The following DNAH17 variants were observed in gnomAD, a reference collection of about 807,000 sequenced individuals.
DNAH17 encodes the protein dynein axonemal heavy chain 17, also known as axonemal beta dynein heavy chain 17.
In DNAH17, 376 loss-of-function variants were observed where a neutral mutation model predicts 485.6. The ratio of observed to expected loss-of-function variants is 0.77; its 90% CI spans 0.71 to 0.84. DNAH17 has a LOEUF of 0.84. Ranked by LOEUF, DNAH17 falls within the 40% of genes least tolerant of loss-of-function variation. DNAH17 has a pLI of 0.00. For synonymous variants in DNAH17, 3,031 were observed against 2,405.9 expected (o/e 1.26, Z -7.60); for missense variants, 6,370 against 5,839.3 (o/e 1.09, Z -2.96).
intron 75 of DNAH17, among the ~76,000 whole-genome samples, chr17:78,430,341 A>G (rs1392372009): frequency 6.6e-6 from 1 of 152,138 alleles, no homozygotes; most frequent in Non-Finnish European, 1.5e-5. Context: ...CTTTTTTGGT[A>G]CCCAGCATGT....
intron 54 of DNAH17, 132 bp from the exon 55 acceptor site, chr17:78,469,015 G>A (rs1002196171): frequency 2.6e-6 from 3 of 1,165,070 alleles, no homozygotes; most frequent in African/African-American, 1.5e-5. Flanking sequence ...CCAGGCTGGA[G>A]TGCAATGGCA....
chr17:78,487,223 G>C (rs2089651073), intron 44 of DNAH17, among the ~76,000 whole-genome samples: 1 of 152,164 alleles, frequency 6.6e-6, no homozygotes, highest in Non-Finnish European at 1.5e-5. Context: ...TGCTGCTTTA[G>C]GCAGGTTACT....
intron 69 of DNAH17, among the ~76,000 whole-genome samples, chr17:78,446,173 CAAAA>C (rs1157464118): frequency 3.3e-4 from 19 of 57,398 alleles, no homozygotes; most frequent in African/African-American, 1.1e-3. Context: ...GACTCTGTCT[CAAAA>C]AAAAAAAAAA....
intron 69 of DNAH17, among the ~76,000 whole-genome samples, chr17:78,448,609 T>G (rs963029756): frequency 2.0e-5 from 3 of 152,296 alleles, no homozygotes; most frequent in Admixed American, 1.3e-4. Context: ...GCAGAGGGGC[T>G]GTACTATGGT....
At chr17:78,502,321 TA>T in intron 33 of DNAH17, 6 of 359,890 alleles carry the variant, frequency 1.7e-5, no homozygotes, top group Non-Finnish European at 2.0e-5. Flanking sequence ...ATTTTTTTTT[TA>T]AAGACTCTCA....
chr17:78,485,076 G>C (rs1422746359), intron 47 of DNAH17, 43 bp from the exon 48 acceptor site: 1 of 1,555,500 alleles, frequency 6.4e-7, no homozygotes, highest in African/African-American at 1.4e-5. Flanking sequence ...CGCCTCCTGA[G>C]CCAGAGCCTG....
At chr17:78,542,114 AC>A (rs1555688836) in intron 17 of DNAH17, among the ~76,000 whole-genome samples, 2 of 41,726 alleles carry the variant, frequency 4.8e-5, no homozygotes, top group Non-Finnish European at 9.2e-5. Flanking sequence ...CCCACTGGAA[AC>A]CGCCCCCCCC....
At chr17:78,561,162 C>G (rs746806961) in intron 12 of DNAH17, among the ~76,000 whole-genome samples, 1 of 152,114 alleles carries the variant, frequency 6.6e-6, no homozygotes. Context: ...ATAGAACCCA[C>G]GCAGCAACTG....
chr17:78,551,929 C>T (rs1250037608), intron 15 of DNAH17, among the ~76,000 whole-genome samples: 1 of 150,570 alleles, frequency 6.6e-6, no homozygotes, highest in Non-Finnish European at 1.5e-5. Flanking sequence ...TGCCATTGTA[C>T]TCCAGCCCAG....
At chr17:78,504,652 T>G (rs1289178863) in intron 31 of DNAH17, among the ~76,000 whole-genome samples, 1 of 152,174 alleles carries the variant, frequency 6.6e-6, no homozygotes, top group Non-Finnish European at 1.5e-5. Flanking sequence ...GATCAATAGT[T>G]GGGTAATGAG....
chr17:78,549,823 G>T (rs1447600512), intron 16 of DNAH17, among the ~76,000 whole-genome samples: 4 of 152,200 alleles, frequency 2.6e-5, no homozygotes, highest in Non-Finnish European at 5.9e-5. Context: ...CCCAGAGCCT[G>T]CAGCCAACCC....
intron 25 of DNAH17, among the ~76,000 whole-genome samples, chr17:78,523,522 TA>T (rs78972421): frequency 1.3e-5 from 2 of 151,890 alleles, no homozygotes; most frequent in Non-Finnish European, 2.9e-5. Flanking sequence ...TAAAAAAACT[TA>T]AAAAAAGTCA....
chr17:78,550,796 C>T (rs1053935798), intron 16 of DNAH17, among the ~76,000 whole-genome samples: 1 of 152,140 alleles, frequency 6.6e-6, no homozygotes, highest in Non-Finnish European at 1.5e-5. Flanking sequence ...ATCAAGAAAC[C>T]CCTGACCTGG....
intron 50 of DNAH17, 34 bp from the exon 51 acceptor site, chr17:78,479,150 T>C (rs1490282874): frequency 1.9e-6 from 3 of 1,601,888 alleles, no homozygotes; most frequent in Non-Finnish European, 2.6e-6. Context: ...AATTCTCATG[T>C]ACTCTTGATG....
At position 78,571,638 on chromosome 17, in the gene DNAH17, G is replaced by T; in HGVS notation, c.684C>A (p.Phe228Leu). Residue 228 changes from phenylalanine to leucine, a missense_variant, in exon 4 of 81, where the codon TTC becomes TTA. Phe to Leu is a conservative substitution (Grantham distance 22). Transcript: ENST00000389840. ...DGLHPLPQVEFEFWDTRLLNL... is the reference protein window; with the variant it reads ...DGLHPLPQVELEFWDTRLLNL... ...TCAGCAGCCGAGTGTCCCAGAACTC[G>T]AACTCCACTTGGGGCAGGGGGTGCA... is the stretch of plus-strand genomic sequence containing the variant. 1 of 1,613,964 alleles carries T rather than the reference G, an allele frequency of 6.2e-7. No individual in the cohort carries two copies. The highest frequency in any genetic ancestry group is 1.1e-5 in the South Asian group (1 of 91,056).
intron 16 of DNAH17, 122 bp downstream of exon 16, chr17:78,551,413 G>A (rs1047491646): frequency 3.0e-5 from 24 of 809,272 alleles, no homozygotes; most frequent in Middle Eastern, 2.3e-4. Flanking sequence ...AGCACTGCAC[G>A]GCAGCTCCCA....
In DNAH17 at chr17:78,530,437, A is replaced by G. The variant is rs746644746; in HGVS notation, c.3190T>C (p.Cys1064Arg). The change falls in exon 21 of 81, where the codon TGC (cysteine) becomes CGC (arginine). Residue 1064 changes from cysteine to arginine, a missense_variant. Coordinates refer to ENST00000389840, the MANE Select transcript of DNAH17 (RefSeq NM_173628.4). ...NTKVFHGWLQ[C>R]DCRPFKQALL... Reference sequence around the variant, plus strand: ...GCCTGCTTGAAGGGGCGGCAGTCGCACTGCAGCCAGCCGTGGAACACCTTG... The same window carrying G: ...GCCTGCTTGAAGGGGCGGCAGTCGCGCTGCAGCCAGCCGTGGAACACCTTG... 6.2e-7 allele frequency: 1 copy of G among 1,613,684 alleles called. No individual in the cohort carries two copies. The highest frequency in any genetic ancestry group is 8.5e-7 in the Non-Finnish European group (1 of 1,179,772).
At chr17:78,526,325 TA>T (rs1223126981) in intron 24 of DNAH17, among the ~76,000 whole-genome samples, 1 of 151,910 alleles carries the variant, frequency 6.6e-6, no homozygotes, top group Admixed American at 6.6e-5. Context: ...GAGTGGAGAT[TA>T]GGGGGCGGAG....
chr17:78,432,204 AAAAT>A lies in DNAH17; in HGVS notation c.12225+1821_12225+1824del, dbSNP rs10656175. Among the ~76,000 whole-genome samples, 1,365 of 150,368 alleles carry A rather than the reference AAAAT, an allele frequency of 9.1e-3. 18 individuals carry two copies. The highest frequency in any genetic ancestry group is 0.02 in the Middle Eastern group (6 of 294). ...AAAATAAATAAATAAATAAATAAAT[AAAAT>A]AAATAAAAATTAAAAAAAAAATTCT... On this transcript the variant is annotated intron_variant, in intron 75 of 80. Transcript: ENST00000389840.
Sources: gnomAD v4.1 joint callset for allele counts (sites outside exome capture counted in the v4.1 genomes callset) on GRCh38, gnomAD v4.1.1 for gene constraint, MANE v1.5 for transcripts, NCBI Gene and HGNC (gene_info 2026-07-23, HGNC 2026-07-21) for gene names.